The following FGD4 variants were observed in gnomAD, a reference collection of about 807,000 sequenced individuals.
The protein encoded by FGD4 is FYVE, RhoGEF and PH domain containing 4, also known as FYVE, RhoGEF and PH domain-containing protein 4.
Under a neutral mutation model 102.0 loss-of-function variants are expected in FGD4, and 42 were observed. The observed-to-expected ratio is 0.41, with a 90% CI of 0.32 to 0.53. The LOEUF (loss-of-function observed/expected upper bound fraction) is 0.53, where lower values mean the gene tolerates loss of function less well. FGD4 is among the 20% of genes least tolerant of loss of function. The pLI is 0.21. For synonymous variants in FGD4, 380 were observed against 375.7 expected (o/e 1.01, Z -0.13); for missense variants, 902 against 1,078.2 (o/e 0.84, Z 2.29).
At chr12:32,452,225 G>T (rs1384075951) in intron 1 of FGD4, among the ~76,000 whole-genome samples, 1 of 152,196 alleles carries the variant, frequency 6.6e-6, no homozygotes, top group Non-Finnish European at 1.5e-5. Flanking sequence ...TTGGGAAACA[G>T]TTGTATAGGA....
intron 1 of FGD4, among the ~76,000 whole-genome samples, chr12:32,489,032 A>G (rs555926031): frequency 7.2e-5 from 11 of 152,358 alleles, no homozygotes; most frequent in African/African-American, 2.6e-4. Flanking sequence ...AAGTAGACTC[A>G]GAATTAGTCT....
At chr12:32,585,269 A>T (rs924334685) in intron 4 of FGD4, among the ~76,000 whole-genome samples, 1 of 135,238 alleles carries the variant, frequency 7.4e-6, no homozygotes, top group East Asian at 2.1e-4. Context: ...TATATCTTAA[A>T]GGCAACTTTT....
rs200569147 is a variant in FGD4 at position 32,581,194 on chromosome 12, G to T, written c.504-766G>T. Reference sequence around the variant, plus strand: ...AAAGACCCCAAGACACATACACTTGGTTATTAAGAATGGGAGCAGCAAGGA... The same window carrying T: ...AAAGACCCCAAGACACATACACTTGTTTATTAAGAATGGGAGCAGCAAGGA... On this transcript the variant is annotated intron_variant, in intron 3 of 16. Transcript: ENST00000534526. Among the ~76,000 whole-genome samples the T allele has an allele frequency of 3.9e-5, 6 of 152,170 alleles. No homozygotes were observed. The East Asian group carries it at 1.2e-3, about 29-fold the overall frequency.
chr12:32,615,912 G>A (rs572358382), intron 10 of FGD4, among the ~76,000 whole-genome samples: 2 of 152,208 alleles, frequency 1.3e-5, no homozygotes, highest in East Asian at 1.9e-4. Context: ...GGGTGACTGC[G>A]GGTGTGAGTT....
chr12:32,481,646 C>A (rs1204363144), intron 1 of FGD4, among the ~76,000 whole-genome samples: 2 of 152,020 alleles, frequency 1.3e-5, no homozygotes, highest in Admixed American at 6.6e-5. Context: ...CAAGGTGAAA[C>A]CCTGTCTCTA....
intron 2 of FGD4, among the ~76,000 whole-genome samples, chr12:32,566,910 G>T (rs1227501638): frequency 6.6e-6 from 1 of 152,234 alleles, no homozygotes; most frequent in African/African-American, 2.4e-5. Context: ...AACAAGGGAA[G>T]TGGAGTCAGG....
At chr12:32,580,937 T>C (rs1032571717) in intron 3 of FGD4, among the ~76,000 whole-genome samples, 2 of 151,336 alleles carry the variant, frequency 1.3e-5, no homozygotes, top group African/African-American at 4.9e-5. Context: ...AATATTGTTA[T>C]ATGTTGGGAG....
intron 10 of FGD4, among the ~76,000 whole-genome samples, chr12:32,612,407 G>C (rs566862174): frequency 6.5e-4 from 99 of 152,302 alleles, no homozygotes; most frequent in African/African-American, 2.3e-3. Flanking sequence ...CTGCCAGGCC[G>C]AATGGGCAGA....
rs114671770 is a variant in FGD4, at chr12:32,612,046, C to T, written c.1749+763C>T. Among the ~76,000 whole-genome samples, 909 of 152,370 alleles carry T rather than the reference C, an allele frequency of 6.0e-3. 8 individuals carry two copies. Among genetic ancestry groups the T allele is most frequent in the African/African-American group, 0.021 (861 of 41,588 alleles). ...TGCAAACCGGCAGGGTGTGCACACA[C>T]TTGGGGCAGCGCTGATATGCCAGCC... On this transcript the variant is annotated intron_variant, in intron 10 of 16. Transcript: ENST00000534526.
At chr12:32,577,074 T>A (rs573772065) in intron 3 of FGD4, among the ~76,000 whole-genome samples, 1 of 152,320 alleles carries the variant, frequency 6.6e-6, no homozygotes, top group South Asian at 2.1e-4. Context: ...TTAGTCCCAA[T>A]GTTTGGAAAA....
chr12:32,564,233 A>G lies in FGD4; in HGVS notation c.263A>G (p.Gln88Arg). 3 of 1,536,156 alleles carry G rather than the reference A, an allele frequency of 2.0e-6. No homozygotes were observed. The East Asian group carries it at 7.3e-5, about 38-fold the overall frequency. Residue 88 changes from glutamine to arginine, a missense_variant, in exon 2 of 17, where the codon CAG becomes CGG. By Grantham distance (43) the Gln-to-Arg change is conservative. Transcript: ENST00000534526. The stretch of plus-strand genomic sequence containing the variant: ...GAGAATGTATCTGAAGAAGAGGCTC[A>G]GGGAATAAATGGGAACAGGCCAGCA... ...VGENVSEEEA[Q>R]GINGNRPAKH... is the part of the protein sequence containing the mutation.
chr12:32,418,811 C>T (rs989725086), intron 1 of FGD4, among the ~76,000 whole-genome samples: 1 of 152,150 alleles, frequency 6.6e-6, no homozygotes, highest in African/African-American at 2.4e-5. Context: ...GGTGAGTTCC[C>T]CTAGGCCCCA....
chr12:32,472,349 C>T lies in FGD4; in HGVS notation c.166+72390C>T, dbSNP rs528038384. ...GGCGCTTGCGGGCCAGCTGGAGTTC[C>T]GGGTGGGCGTGGGCTTGGTGGGCCC... On this transcript the variant is annotated intron_variant, in intron 1 of 16. Transcript: ENST00000534526. Among the ~76,000 whole-genome samples the T allele has an allele frequency of 4.6e-5, 7 of 152,320 alleles. No individual in the cohort carries two copies. The East Asian group carries it at 7.7e-4, about 17-fold the overall frequency.
At position 32,481,544 on chromosome 12, in the gene FGD4, C is replaced by T. The variant is rs555979143; in HGVS notation, c.166+81585C>T. Reference sequence around the variant, plus strand: ...GATTGCTTTAAAAATGAACATCAGCCGGGTGCGGTGGCTCACGCCTGTAAT... The same window carrying T: ...GATTGCTTTAAAAATGAACATCAGCTGGGTGCGGTGGCTCACGCCTGTAAT... On this transcript the variant is annotated intron_variant, in intron 1 of 16. Coordinates refer to ENST00000534526, the MANE Select transcript of FGD4 (RefSeq NM_001370298.3). 1.6e-4 allele frequency among the ~76,000 whole-genome samples: 24 copies of T among 152,152 alleles called. 1 individual carries two copies. The South Asian group carries it at 3.1e-3, about 20-fold the overall frequency.
At chr12:32,454,423 A>G (rs1591933794) in intron 1 of FGD4, among the ~76,000 whole-genome samples, 1 of 152,304 alleles carries the variant, frequency 6.6e-6, no homozygotes, top group South Asian at 2.1e-4. Flanking sequence ...CACTTAAGAC[A>G]TTTTCCTATA....
intron 1 of FGD4, among the ~76,000 whole-genome samples, chr12:32,422,549 C>T (rs1473178007): frequency 6.6e-6 from 1 of 151,396 alleles, no homozygotes; most frequent in Non-Finnish European, 1.5e-5. Flanking sequence ...CCACCCGCCT[C>T]AGCCTCCCAA....
At chr12:32,406,115 G>A (rs1407738305) in intron 1 of FGD4, among the ~76,000 whole-genome samples, 1 of 151,640 alleles carries the variant, frequency 6.6e-6, no homozygotes, top group African/African-American at 2.4e-5. Context: ...GGCTAATTTT[G>A]TATTTTTAGT....
chr12:32,511,537 C>T (rs1592058323), intron 1 of FGD4, among the ~76,000 whole-genome samples: 1 of 151,988 alleles, frequency 6.6e-6, no homozygotes, highest in African/African-American at 2.4e-5. Context: ...CTCCTGACTT[C>T]GTGATCCGCC....
chr12:32,545,779 C>T (rs1327406480), intron 1 of FGD4, among the ~76,000 whole-genome samples: 1 of 152,186 alleles, frequency 6.6e-6, no homozygotes, highest in Non-Finnish European at 1.5e-5. Context: ...TTGTTGAATT[C>T]ATATCTATGC....
Sources: allele counts gnomAD v4.1 joint callset (sites outside exome capture counted in the v4.1 genomes callset), GRCh38; gene constraint gnomAD v4.1.1; transcripts MANE v1.5; gene names NCBI Gene and HGNC (gene_info 2026-07-23, HGNC 2026-07-21).